Variants in RWDD4 observed in about 807,000 individuals in gnomAD.
RWDD4 encodes RWD domain-containing protein 4.
In RWDD4, 16 loss-of-function variants were observed where a neutral mutation model predicts 30.0. The observed-to-expected ratio is 0.53, with a 90% CI of 0.36 to 0.81. RWDD4 has a LOEUF of 0.81. RWDD4 is among the 30% of genes least tolerant of loss of function. The probability of loss-of-function intolerance (pLI) is 0.00; values close to 1 mark genes in which losing one functional copy is unlikely to be tolerated. For synonymous variants in RWDD4, 45 were observed against 72.1 expected (o/e 0.62, Z 1.90); for missense variants, 170 against 223.9 (o/e 0.76, Z 1.54).
At chr4:183,655,193 G>C (rs113915207) in intron 2 of RWDD4, among the ~76,000 whole-genome samples, 1 of 151,850 alleles carries the variant, frequency 6.6e-6, no homozygotes, top group Non-Finnish European at 1.5e-5. Context: ...CGCCTGCCTC[G>C]GCCTCTCAAA....
At chr4:183,650,253 C>G (rs1011931919) in intron 4 of RWDD4, among the ~76,000 whole-genome samples, 1 of 152,192 alleles carries the variant, frequency 6.6e-6, no homozygotes, top group Non-Finnish European at 1.5e-5. Context: ...TGAACCCAGG[C>G]AGTCTGGCCC....
intron 5 of RWDD4, among the ~76,000 whole-genome samples, chr4:183,648,218 C>T (rs1734000504): frequency 6.8e-6 from 1 of 146,766 alleles, no homozygotes; most frequent in Admixed American, 6.9e-5. Context: ...GCCTGGGCAA[C>T]AGAGCGAGAC....
intron 2 of RWDD4, among the ~76,000 whole-genome samples, chr4:183,655,527 G>A (rs367755992): frequency 3.2e-4 from 48 of 152,094 alleles, no homozygotes; most frequent in African/African-American, 9.2e-4. Flanking sequence ...CTCGTGATCC[G>A]CCCACCTTGG....
Position 183,652,361 on chromosome 4 carries a change from C to CTTTTTTTTTTT in RWDD4, c.106-1045_106-1035dup, listed in dbSNP as rs59841926. Among the ~76,000 whole-genome samples the CTTTTTTTTTTT allele has an allele frequency of 4.9e-5, 6 of 123,290 alleles. 2 individuals carry two copies. Among genetic ancestry groups the CTTTTTTTTTTT allele is most frequent in the Non-Finnish European group, 8.1e-5 (5 of 61,724 alleles). 80.9% of individuals were successfully genotyped at this position (123,290 alleles called of 152,430 possible). A position where few individuals can be genotyped will look rare whatever the true frequency, so the allele number is the denominator to read the frequency against. Reference sequence around the variant, plus strand: ...AACAGTCCCCAGCCCTCTCCCCTGGCTTTTTTTTTTTTTTTTTGAGACAGG... The same window carrying CTTTTTTTTTTT: ...AACAGTCCCCAGCCCTCTCCCCTGGCTTTTTTTTTTTTTTTTTTTTTTTTTTTTGAGACAGG... On this transcript the variant is annotated intron_variant, in intron 2 of 7. Coordinates refer to ENST00000326397, the MANE Select transcript of RWDD4 (RefSeq NM_152682.4).
In RWDD4 at chr4:183,641,435, G is replaced by C; in HGVS notation, c.*1C>G. On this transcript the variant is annotated 3_prime_UTR_variant, in exon 8 of 8. Transcript: ENST00000326397. ...TCTTTCCTTGTCTCAAATTCCAAGT[G>C]CTACTCATCATCCTTAGAGCCAGTT... 1 of 1,603,776 alleles carries C rather than the reference G, an allele frequency of 6.2e-7. No homozygotes were observed. Among genetic ancestry groups the C allele is most frequent in the Non-Finnish European group, 8.5e-7 (1 of 1,172,534 alleles).
At chr4:183,653,994 C>A (rs1274377480) in intron 2 of RWDD4, among the ~76,000 whole-genome samples, 1 of 152,168 alleles carries the variant, frequency 6.6e-6, no homozygotes, top group East Asian at 1.9e-4. Flanking sequence ...AGACAGGAGA[C>A]ATGGCCCAAA....
chr4:183,651,922 A>C (rs907299616), intron 2 of RWDD4, among the ~76,000 whole-genome samples: 1 of 152,156 alleles, frequency 6.6e-6, no homozygotes, highest in Non-Finnish European at 1.5e-5. Context: ...TTAAAGAAAA[A>C]CTGAAATAGT....
intron 7 of RWDD4, among the ~76,000 whole-genome samples, chr4:183,645,979 T>C (rs746107187): frequency 2.0e-5 from 3 of 152,206 alleles, no homozygotes; most frequent in Non-Finnish European, 4.4e-5. Flanking sequence ...CTCAGCTTAC[T>C]GCAACCTCCG....
chr4:183,657,259 A>C (rs553699033), intron 1 of RWDD4, among the ~76,000 whole-genome samples: 6 of 152,342 alleles, frequency 3.9e-5, no homozygotes, highest in Non-Finnish European at 8.8e-5. Context: ...AACAAAAAAA[A>C]ACAAAATACA....
intron 5 of RWDD4, among the ~76,000 whole-genome samples, chr4:183,647,819 C>T (rs1344653341): frequency 6.6e-6 from 1 of 152,058 alleles, no homozygotes; most frequent in Admixed American, 6.6e-5. Flanking sequence ...TTTTTTATTT[C>T]ACAAACCATT....
At chr4:183,657,286 T>G (rs1266948956) in intron 1 of RWDD4, among the ~76,000 whole-genome samples, 1 of 152,200 alleles carries the variant, frequency 6.6e-6, no homozygotes, top group East Asian at 1.9e-4. Flanking sequence ...CAAGCCGGAT[T>G]CAAGAATAAC....
At chr4:183,653,965 T>A (rs995069317) in intron 2 of RWDD4, among the ~76,000 whole-genome samples, 1 of 152,194 alleles carries the variant, frequency 6.6e-6, no homozygotes, top group Non-Finnish European at 1.5e-5. Flanking sequence ...CGGCTAATTC[T>A]GATTCAAAGT....
At chr4:183,648,951 A>G (rs1338833452) in intron 5 of RWDD4, among the ~76,000 whole-genome samples, 1 of 151,982 alleles carries the variant, frequency 6.6e-6, no homozygotes, top group African/African-American at 2.4e-5. Context: ...GGTTCAAGCA[A>G]TTCTCCTGCC....
intron 7 of RWDD4, among the ~76,000 whole-genome samples, chr4:183,643,415 C>CAAAAAAAAAGAAAAAAAAAAAAAA (rs1733904958): frequency 4.4e-5 from 1 of 22,652 alleles, no homozygotes; most frequent in Non-Finnish European, 7.7e-5. Flanking sequence ...GACTCTATCT[C>CAAAAAAAAAGAAAAAAAAAAAAAA]AAAAAAAAAA....
At chr4:183,643,439 A>AAAAAAAAAAAAAAAAAAAT (rs1733907832) in intron 7 of RWDD4, among the ~76,000 whole-genome samples, 1 of 144,000 alleles carries the variant, frequency 6.9e-6, no homozygotes, top group African/African-American at 2.5e-5. Context: ...AAAAAAAAAA[A>AAAAAAAAAAAAAAAAAAAT]AAAAAAAAGC....
chr4:183,645,989 G>A (rs1319236919), intron 7 of RWDD4, among the ~76,000 whole-genome samples: 1 of 152,096 alleles, frequency 6.6e-6, no homozygotes, highest in African/African-American at 2.4e-5. Flanking sequence ...TGCAACCTCC[G>A]CCTCCTGGGT....
chr4:183,643,119 A>AG (rs1361866368), intron 7 of RWDD4, among the ~76,000 whole-genome samples: 2 of 141,940 alleles, frequency 1.4e-5, no homozygotes, highest in Non-Finnish European at 1.5e-5. Flanking sequence ...AAAAATTAAA[A>AG]AAAAAAAAAA....
intron 7 of RWDD4, among the ~76,000 whole-genome samples, chr4:183,642,867 G>A (rs540049468): frequency 6.6e-5 from 10 of 150,894 alleles, no homozygotes; most frequent in African/African-American, 2.4e-4. Flanking sequence ...GACCATCCTG[G>A]CTAACACGGT....
intron 7 of RWDD4, 116 bp from the exon 8 acceptor site, chr4:183,641,584 A>G: frequency 1.3e-6 from 1 of 765,946 alleles, no homozygotes; most frequent in Non-Finnish European, 2.3e-6. Flanking sequence ...AATCACCTAC[A>G]GTTTTTACCA....
Sources: allele counts gnomAD v4.1 joint callset (sites outside exome capture counted in the v4.1 genomes callset), GRCh38; gene constraint gnomAD v4.1.1; transcripts MANE v1.5; gene names NCBI Gene and HGNC (gene_info 2026-07-23, HGNC 2026-07-21).